Variants in METTL8 observed in about 807,000 individuals in gnomAD.
METTL8 encodes methyltransferase 8, tRNA N3-cytidine.
Under a neutral mutation model 48.7 loss-of-function variants are expected in METTL8, and 32 were observed. The observed-to-expected ratio is 0.66, with a 90% CI of 0.50 to 0.88. The LOEUF (loss-of-function observed/expected upper bound fraction) is 0.88. METTL8 is among the 40% of genes least tolerant of loss of function. The probability of loss-of-function intolerance (pLI) is 0.00; values close to 1 mark genes in which losing one functional copy is unlikely to be tolerated. For synonymous variants in METTL8, 136 were observed against 157.1 expected (o/e 0.87, Z 1.01); for missense variants, 464 against 474.4 (o/e 0.98, Z 0.20).
rs557879977 is a variant in METTL8, at chr2:171,319,470, A to C, written c.*4702T>G. 1.2e-4 allele frequency: 18 copies of C among 152,352 alleles called. No homozygotes were observed. Among genetic ancestry groups the C allele is most frequent in the African/African-American group, 4.1e-4 (17 of 41,580 alleles). The allele number at this position is 152,352 out of a possible 1,614,324, so 9.4% of individuals were successfully genotyped here. ...TGAGTTGGAAGTTTTGGGGTTTAAC[A>C]ATCCAGATGGTTCTGATAGCTTTAA... On this transcript the variant is annotated 3_prime_UTR_variant, in exon 10 of 10. Transcript: ENST00000375258.
intron 3 of METTL8, among the ~76,000 whole-genome samples, chr2:171,351,841 T>C (rs1683964727): frequency 6.6e-6 from 1 of 152,250 alleles, no homozygotes; most frequent in Admixed American, 6.5e-5. Flanking sequence ...TGATGTTGCT[T>C]ATCAGCTTAA....
At chr2:171,417,751 CAG>C (rs746127629) in intron 1 of METTL8, among the ~76,000 whole-genome samples, 12 of 152,290 alleles carry the variant, frequency 7.9e-5, no homozygotes, top group East Asian at 1.9e-4. Flanking sequence ...ACAGATAGTA[CAG>C]AGAGTTTCCA....
At chr2:171,423,309 G>A (rs777457671) in intron 1 of METTL8, among the ~76,000 whole-genome samples, 1 of 152,154 alleles carries the variant, frequency 6.6e-6, no homozygotes, top group African/African-American at 2.4e-5. Context: ...ACCAGGAATG[G>A]GGTGCTGCTG....
intron 3 of METTL8, among the ~76,000 whole-genome samples, chr2:171,350,524 T>C (rs1216101391): frequency 6.6e-6 from 1 of 152,228 alleles, no homozygotes; most frequent in African/African-American, 2.4e-5. Context: ...TCTAGATCCT[T>C]GAGGAATCGC....
chr2:171,367,050 A>T (rs1685802068), intron 2 of METTL8, among the ~76,000 whole-genome samples: 1 of 152,168 alleles, frequency 6.6e-6, no homozygotes, highest in Admixed American at 6.6e-5. Flanking sequence ...GGATAATACC[A>T]ATTGGTCTAA....
At chr2:171,375,365 TAAAC>T in intron 2 of METTL8, 1 of 635,076 alleles carries the variant, frequency 1.6e-6, no homozygotes, top group Admixed American at 2.6e-5. Flanking sequence ...AAAAACAACC[TAAAC>T]AAACAAATAA....
At chr2:171,334,643 G>A (rs1685894935) in intron 5 of METTL8, among the ~76,000 whole-genome samples, 1 of 152,106 alleles carries the variant, frequency 6.6e-6, no homozygotes, top group African/African-American at 2.4e-5. Flanking sequence ...CTAATCACTG[G>A]TTGCCTTTAA....
chr2:171,349,647 A>C (rs1241274671), intron 3 of METTL8, among the ~76,000 whole-genome samples: 1 of 152,078 alleles, frequency 6.6e-6, no homozygotes, highest in East Asian at 1.9e-4. Context: ...TGTCTCTTTG[A>C]GACTTTGCTT....
chr2:171,324,686 C>G (rs2105382549), intron 9 of METTL8, among the ~76,000 whole-genome samples: 1 of 152,322 alleles, frequency 6.6e-6, no homozygotes, highest in South Asian at 2.1e-4. Context: ...CCCAAAACGG[C>G]AGATTATAAA....
At chr2:171,340,811 T>G (rs778254784) in intron 3 of METTL8, among the ~76,000 whole-genome samples, 2 of 152,222 alleles carry the variant, frequency 1.3e-5, no homozygotes, top group Admixed American at 1.3e-4. Flanking sequence ...CCATGTCTCC[T>G]GACTTTTGGA....
chr2:171,336,101 CT>C (rs560940773), intron 5 of METTL8, among the ~76,000 whole-genome samples: 250 of 142,976 alleles, frequency 1.7e-3, no homozygotes, highest in Middle Eastern at 3.6e-3. Flanking sequence ...TCAAACTCTG[CT>C]TTTTTTTTTT....
chr2:171,385,165 C>A (rs544837349), intron 2 of METTL8, among the ~76,000 whole-genome samples: 4 of 152,000 alleles, frequency 2.6e-5, no homozygotes, highest in African/African-American at 9.6e-5. Flanking sequence ...GTAATCCCAG[C>A]ATTTTGGGAG....
intron 2 of METTL8, among the ~76,000 whole-genome samples, chr2:171,389,175 G>A (rs901853712): frequency 6.6e-6 from 1 of 152,160 alleles, no homozygotes; most frequent in African/African-American, 2.4e-5. Flanking sequence ...TAGGCCTCTA[G>A]CACTAGTCAA....
chr2:171,370,205 T>C (rs1686174635), intron 2 of METTL8, among the ~76,000 whole-genome samples: 1 of 152,076 alleles, frequency 6.6e-6, no homozygotes, highest in African/African-American at 2.4e-5. Flanking sequence ...GGACTAGGTG[T>C]TATCTTAAGT....
chr2:171,401,760 G>GA (rs1689664631), intron 1 of METTL8, among the ~76,000 whole-genome samples: 1 of 152,144 alleles, frequency 6.6e-6, no homozygotes, highest in African/African-American at 2.4e-5. Context: ...TTCACATTTA[G>GA]ACTTCTATGT....
intron 5 of METTL8, among the ~76,000 whole-genome samples, chr2:171,335,405 T>C (rs1685981562): frequency 6.6e-6 from 1 of 152,154 alleles, no homozygotes; most frequent in East Asian, 1.9e-4. Flanking sequence ...TACTCTTTGC[T>C]TTTCTGAATG....
chr2:171,366,675 ACTT>A (rs1277518831), intron 2 of METTL8, among the ~76,000 whole-genome samples: 4 of 152,108 alleles, frequency 2.6e-5, no homozygotes, highest in African/African-American at 9.7e-5. Flanking sequence ...AAAAATGAAA[ACTT>A]CTTTTTAAAA....
chr2:171,345,878 T>C (rs916116339), intron 3 of METTL8, among the ~76,000 whole-genome samples: 2 of 152,206 alleles, frequency 1.3e-5, no homozygotes, highest in Non-Finnish European at 2.9e-5. Context: ...GCCAAATGTA[T>C]CTTTCATTTC....
intron 2 of METTL8, among the ~76,000 whole-genome samples, chr2:171,381,932 T>A (rs11893310): frequency 0.22 from 33,384 of 151,644 alleles, 3,845 homozygotes; most frequent in Non-Finnish European, 0.25. Context: ...CAGGCACGCA[T>A]CACCACGCCC....
Sources: allele counts gnomAD v4.1 joint callset (sites outside exome capture counted in the v4.1 genomes callset), GRCh38; gene constraint gnomAD v4.1.1; transcripts MANE v1.5; gene names NCBI Gene and HGNC (gene_info 2026-07-23, HGNC 2026-07-21).